NEDD4: variants seen among roughly 807,000 people sequenced by gnomAD.
NEDD4 encodes the protein E3 ubiquitin-protein ligase NEDD4.
In NEDD4, 99 loss-of-function variants were observed where a neutral mutation model predicts 144.9. The observed-to-expected ratio is 0.68, with a 90% CI of 0.58 to 0.81. The LOEUF (loss-of-function observed/expected upper bound fraction) is 0.81, where lower values mean the gene tolerates loss of function less well. Ranked by LOEUF, NEDD4 falls within the 30% of genes least tolerant of loss-of-function variation. NEDD4 has a pLI of 0.00. For synonymous variants in NEDD4, 318 were observed against 350.6 expected (o/e 0.91, Z 1.04); for missense variants, 985 against 1,065.9 (o/e 0.92, Z 1.06).
At chr15:55,944,406 G>A (rs1401397609) in intron 4 of NEDD4, among the ~76,000 whole-genome samples, 5 of 152,246 alleles carry the variant, frequency 3.3e-5, no homozygotes, top group Non-Finnish European at 5.9e-5. Flanking sequence ...GTCTGAGATC[G>A]ACCTGCCAGT....
chr15:55,920,419 T>A (rs1266812299), intron 5 of NEDD4, among the ~76,000 whole-genome samples: 3 of 152,056 alleles, frequency 2.0e-5, no homozygotes, highest in Non-Finnish European at 2.9e-5. Context: ...AGTGCTAACT[T>A]TTGCATTGGT....
chr15:55,918,938 T>A (rs1205092790), intron 5 of NEDD4, among the ~76,000 whole-genome samples: 1 of 152,104 alleles, frequency 6.6e-6, no homozygotes, highest in African/African-American at 2.4e-5. Context: ...AAAGAATGAA[T>A]CCCTTCTAAT....
At chr15:55,870,113 A>G (rs2034730282) in intron 7 of NEDD4, among the ~76,000 whole-genome samples, 1 of 152,180 alleles carries the variant, frequency 6.6e-6, no homozygotes, top group Non-Finnish European at 1.5e-5. Context: ...GAGTTTGGCT[A>G]GATTATAGGA....
At position 55,884,997 on chromosome 15, in the gene NEDD4, A is replaced by G. The variant is rs79659464; in HGVS notation, c.292-10989T>C. On this transcript the variant is annotated intron_variant, in intron 5 of 28. Coordinates refer to ENST00000435532, the MANE Select transcript of NEDD4 (RefSeq NM_006154.4). Reference sequence around the variant, plus strand: ...TATGACCTAAATAAGACTCCTCAAGATATTTATTAACAAAACTCCCACAGG... The same window carrying G: ...TATGACCTAAATAAGACTCCTCAAGGTATTTATTAACAAAACTCCCACAGG... 9.0e-3 allele frequency among the ~76,000 whole-genome samples: 1,365 copies of G among 152,268 alleles called. 29 individuals carry two copies. Among genetic ancestry groups the G allele is most frequent in the African/African-American group, 0.032 (1,316 of 41,552 alleles).
intron 5 of NEDD4, among the ~76,000 whole-genome samples, chr15:55,882,712 G>A (rs777152638): frequency 6.6e-6 from 1 of 152,126 alleles, no homozygotes; most frequent in Non-Finnish European, 1.5e-5. Flanking sequence ...AAGGGAGTGC[G>A]TGTGCCACCC....
chr15:55,925,631 A>AT (rs1245883328), intron 4 of NEDD4, among the ~76,000 whole-genome samples: 1 of 152,216 alleles, frequency 6.6e-6, no homozygotes, highest in African/African-American at 2.4e-5. Context: ...TATATATTAT[A>AT]TTGAACACTG....
At chr15:55,893,568 T>G (rs1223974909) in intron 5 of NEDD4, among the ~76,000 whole-genome samples, 2 of 151,866 alleles carry the variant, frequency 1.3e-5, no homozygotes, top group African/African-American at 2.4e-5. Flanking sequence ...ATTTCCATTC[T>G]ATTTATAAGA....
chr15:55,887,888 G>A (rs1201842178), intron 5 of NEDD4, among the ~76,000 whole-genome samples: 2 of 152,072 alleles, frequency 1.3e-5, no homozygotes, highest in African/African-American at 4.8e-5. Flanking sequence ...ATTATAAACA[G>A]AATGATCATT....
intron 2 of NEDD4, among the ~76,000 whole-genome samples, chr15:55,954,194 A>T (rs543805759): frequency 4.1e-4 from 63 of 152,070 alleles, no homozygotes; most frequent in African/African-American, 1.4e-3. Flanking sequence ...GATACTACTG[A>T]CCATTTTCTC....
At chr15:55,890,604 A>C (rs540692496) in intron 5 of NEDD4, among the ~76,000 whole-genome samples, 8 of 152,210 alleles carry the variant, frequency 5.3e-5, no homozygotes, top group African/African-American at 1.9e-4. Flanking sequence ...GGGTTGTTTC[A>C]ACTGTTTGGC....
At chr15:55,933,919 C>T (rs559564244) in intron 4 of NEDD4, among the ~76,000 whole-genome samples, 9 of 152,198 alleles carry the variant, frequency 5.9e-5, no homozygotes, top group East Asian at 3.9e-4. Context: ...TTTGGTAGGC[C>T]GAGGCAGGCA....
chr15:55,879,711 G>C (rs2035116155), intron 5 of NEDD4, among the ~76,000 whole-genome samples: 1 of 151,966 alleles, frequency 6.6e-6, no homozygotes, highest in Non-Finnish European at 1.5e-5. Flanking sequence ...AAGATAGGAG[G>C]CTGCAAAAAA....
chr15:55,852,476 T>TA lies in NEDD4; in HGVS notation c.1093dup (p.Tyr365LeufsTer43). ...CGTTCTGGAATTGTGATCTACATAA[T>TA]ATGATCTTCCTCTTTCATCTTGTTT... On this transcript the variant is annotated frameshift_variant, in exon 13 of 29. Coordinates refer to ENST00000435532, the MANE Select transcript of NEDD4 (RefSeq NM_006154.4). LOFTEE classifies it high-confidence loss of function. 6.2e-7 allele frequency: 1 copy of TA among 1,613,162 alleles called. No individual in the cohort carries two copies. The highest frequency in any genetic ancestry group is 8.5e-7 in the Non-Finnish European group (1 of 1,179,510).
chr15:55,839,862 G>C (rs2033385903), intron 21 of NEDD4, among the ~76,000 whole-genome samples: 1 of 149,332 alleles, frequency 6.7e-6, no homozygotes, highest in Non-Finnish European at 1.5e-5. Flanking sequence ...TGTAGTCCCA[G>C]CTACACAGGA....
intron 1 of NEDD4, among the ~76,000 whole-genome samples, chr15:55,967,728 T>C (rs1367585057): frequency 6.6e-6 from 1 of 152,046 alleles, no homozygotes; most frequent in Non-Finnish European, 1.5e-5. Context: ...ATAGATAACA[T>C]TATAAAATAT....
intron 1 of NEDD4, among the ~76,000 whole-genome samples, chr15:55,975,782 C>T (rs2037688946): frequency 6.6e-6 from 1 of 152,142 alleles, no homozygotes; most frequent in South Asian, 2.1e-4. Context: ...AAAAAACAAT[C>T]CTAAAATACA....
chr15:55,890,585 T>C (rs1290855481), intron 5 of NEDD4, among the ~76,000 whole-genome samples: 1 of 152,218 alleles, frequency 6.6e-6, no homozygotes, highest in Non-Finnish European at 1.5e-5. Context: ...TTTCAGTTGA[T>C]TGACATTTGG....
intron 4 of NEDD4, among the ~76,000 whole-genome samples, chr15:55,933,176 C>G (rs1409366942): frequency 2.0e-5 from 3 of 152,102 alleles, no homozygotes; most frequent in Non-Finnish European, 2.9e-5. Context: ...CATCCCATTA[C>G]TGGGTATATA....
chr15:55,916,505 A>G (rs760317333), intron 5 of NEDD4: 1 of 1,614,094 alleles, frequency 6.2e-7, no homozygotes. Context: ...AAGCATCATC[A>G]CTATCAGCTA....
Sources: gnomAD v4.1 joint callset for allele counts (sites outside exome capture counted in the v4.1 genomes callset) on GRCh38, gnomAD v4.1.1 for gene constraint, MANE v1.5 for transcripts, NCBI Gene and HGNC (gene_info 2026-07-23, HGNC 2026-07-21) for gene names.